VTA1: variants seen among roughly 807,000 people sequenced by gnomAD.
The protein encoded by VTA1 is vacuolar protein sorting-associated protein VTA1 homolog.
Under a neutral mutation model 36.9 loss-of-function variants are expected in VTA1, and 24 were observed. That is an observed-to-expected ratio of 0.65 (90% CI 0.47 to 0.91). VTA1 has a LOEUF of 0.91. Ranked by LOEUF, VTA1 falls within the 40% of genes least tolerant of loss-of-function variation. The pLI, the probability that VTA1 is intolerant of heterozygous loss-of-function variation, is 0.00. For synonymous variants in VTA1, 142 were observed against 130.2 expected (o/e 1.09, Z -0.62); for missense variants, 393 against 377.2 (o/e 1.04, Z -0.35).
chr6:142,181,116 T>TATACACAC (rs753996612), intron 4 of VTA1, among the ~76,000 whole-genome samples: 4 of 87,078 alleles, frequency 4.6e-5, no homozygotes, highest in African/African-American at 1.3e-4. Flanking sequence ...TATATATATA[T>TATACACAC]ACACACACAC....
chr6:142,189,322 C>A, intron 4 of VTA1, 104 bp from the exon 5 acceptor site: 1 of 932,814 alleles, frequency 1.1e-6, no homozygotes. Flanking sequence ...CTGTAATCTG[C>A]AAAAATAGGT....
At chr6:142,195,595 C>CTTTTTT (rs72442499) in intron 5 of VTA1, among the ~76,000 whole-genome samples, 3 of 70,690 alleles carry the variant, frequency 4.2e-5, no homozygotes, top group African/African-American at 1.0e-4. Context: ...GTTTAATTTG[C>CTTTTTT]TTTTTTTTTT....
chr6:142,189,978 C>A (rs867625222), intron 5 of VTA1, among the ~76,000 whole-genome samples: 2 of 152,012 alleles, frequency 1.3e-5, no homozygotes, highest in Non-Finnish European at 2.9e-5. Flanking sequence ...AGGATGGTCT[C>A]GATCTCCTGA....
chr6:142,178,321 A>G lies in VTA1; in HGVS notation c.411+7900A>G, dbSNP rs192063720. Among the ~76,000 whole-genome samples the G allele has an allele frequency of 2.0e-5, 3 of 152,254 alleles. No individual in the cohort carries two copies. In the East Asian group the frequency reaches 5.8e-4, roughly 29 times the overall value. ...GAAAGAAAAAAAATAAAACAAATGAACAAAAACCCTGTCAACTCAGAATTC... is the reference window on the plus strand; with the variant it reads ...GAAAGAAAAAAAATAAAACAAATGAGCAAAAACCCTGTCAACTCAGAATTC... On this transcript the variant is annotated intron_variant, in intron 4 of 7. Transcript: ENST00000367630.
intron 4 of VTA1, among the ~76,000 whole-genome samples, chr6:142,183,591 TA>T (rs1360335791): frequency 2.0e-5 from 3 of 152,182 alleles, no homozygotes; most frequent in Admixed American, 6.5e-5. Context: ...AGGACAAAAG[TA>T]AAAGTTCTTT....
At chr6:142,162,296 G>C (rs1337360262) in intron 1 of VTA1, among the ~76,000 whole-genome samples, 1 of 152,154 alleles carries the variant, frequency 6.6e-6, no homozygotes, top group Admixed American at 6.5e-5. Flanking sequence ...TGTCTAGGTT[G>C]TTCCCTATAT....
At chr6:142,177,039 CA>C (rs2114652310) in intron 4 of VTA1, among the ~76,000 whole-genome samples, 1 of 152,246 alleles carries the variant, frequency 6.6e-6, no homozygotes, top group Admixed American at 6.5e-5. Flanking sequence ...AGATATTTTC[CA>C]ACTACAAAAG....
chr6:142,149,436 G>A (rs185628665), intron 1 of VTA1, among the ~76,000 whole-genome samples: 2 of 152,278 alleles, frequency 1.3e-5, no homozygotes, highest in East Asian at 3.8e-4. Context: ...ACAATCTGGT[G>A]GGTGTGAAAT....
At chr6:142,188,492 C>A (rs2114664033) in intron 4 of VTA1, among the ~76,000 whole-genome samples, 1 of 152,216 alleles carries the variant, frequency 6.6e-6, no homozygotes, top group South Asian at 2.1e-4. Flanking sequence ...GGATTACAGG[C>A]ATGAGCCACC....
chr6:142,166,275 C>A lies in VTA1; in HGVS notation c.160C>A (p.Pro54Thr), dbSNP rs750350264. The A allele has an allele frequency of 1.9e-6, 3 of 1,612,332 alleles. No homozygotes were observed. The highest frequency in any genetic ancestry group is 2.5e-6 in the Non-Finnish European group (3 of 1,179,020). The stretch of plus-strand genomic sequence containing the variant: ...TGGAATGAAGATCGATAGTAAAACT[C>A]CTGAATGTCGCAAATTTTTATCAAA... Reference protein sequence around the residue: ...QTGMKIDSKTPECRKFLSKLM... With the variant: ...QTGMKIDSKTTECRKFLSKLM... The change falls in exon 2 of 8, where the codon CCT becomes ACT. Residue 54 changes from proline to threonine, a missense_variant. Pro to Thr is a conservative substitution (Grantham distance 38). Transcript: ENST00000367630.
chr6:142,166,572 A>C (rs1317038964), intron 2 of VTA1, among the ~76,000 whole-genome samples: 1 of 151,596 alleles, frequency 6.6e-6, no homozygotes, highest in Non-Finnish European at 1.5e-5. Flanking sequence ...ACATTATTAT[A>C]GATGGCCTTT....
intron 2 of VTA1, among the ~76,000 whole-genome samples, chr6:142,168,892 G>A (rs963304045): frequency 8.6e-5 from 13 of 151,456 alleles, no homozygotes; most frequent in Non-Finnish European, 1.8e-4. Flanking sequence ...TCAGCCTCCC[G>A]AGTAGCTGGG....
At chr6:142,176,185 A>G (rs1775120994) in intron 4 of VTA1, among the ~76,000 whole-genome samples, 1 of 152,174 alleles carries the variant, frequency 6.6e-6, no homozygotes, top group South Asian at 2.1e-4. Context: ...GCAGTGTTTG[A>G]GGAACAGATA....
intron 1 of VTA1, among the ~76,000 whole-genome samples, chr6:142,158,975 C>T (rs1209019377): frequency 6.6e-6 from 1 of 152,020 alleles, no homozygotes; most frequent in Non-Finnish European, 1.5e-5. Context: ...TAACTATTCT[C>T]TTTTAAAGAA....
intron 5 of VTA1, among the ~76,000 whole-genome samples, chr6:142,189,823 C>G (rs369047076): frequency 2.0e-5 from 3 of 152,002 alleles, no homozygotes; most frequent in Admixed American, 6.5e-5. Flanking sequence ...GTGGCGCAGT[C>G]TCTGCTCACT....
chr6:142,160,734 G>A (rs1341581853), intron 1 of VTA1, among the ~76,000 whole-genome samples: 1 of 152,048 alleles, frequency 6.6e-6, no homozygotes, highest in Non-Finnish European at 1.5e-5. Context: ...ATTTTGTTCA[G>A]ATTTTTTCTG....
At chr6:142,217,503 A>T (rs1362246450) in intron 7 of VTA1, among the ~76,000 whole-genome samples, 1 of 151,744 alleles carries the variant, frequency 6.6e-6, no homozygotes, top group African/African-American at 2.4e-5. Context: ...CTAGTTTGAA[A>T]TCTTTGCCTA....
intron 4 of VTA1, among the ~76,000 whole-genome samples, chr6:142,173,308 C>T (rs572298056): frequency 1.3e-5 from 2 of 152,336 alleles, no homozygotes; most frequent in East Asian, 3.9e-4. Context: ...TTAATAAACA[C>T]ATTCGTAGAT....
intron 1 of VTA1, among the ~76,000 whole-genome samples, chr6:142,150,456 C>T (rs76203511): frequency 0.015 from 2,336 of 152,276 alleles, 50 homozygotes; most frequent in South Asian, 0.07. Flanking sequence ...TTCCTACATC[C>T]TGTTCACAAT....
Sources: gnomAD v4.1 joint callset for allele counts (sites outside exome capture counted in the v4.1 genomes callset) on GRCh38, gnomAD v4.1.1 for gene constraint, MANE v1.5 for transcripts, NCBI Gene and HGNC (gene_info 2026-07-23, HGNC 2026-07-21) for gene names.